RAB37: variants seen among roughly 807,000 people sequenced by gnomAD.
RAB37 encodes the protein ras-related protein Rab-37.
Under a neutral mutation model 33.1 loss-of-function variants are expected in RAB37, and 29 were observed. The ratio of observed to expected loss-of-function variants is 0.88; its 90% CI spans 0.65 to 1.20. The LOEUF (loss-of-function observed/expected upper bound fraction) is 1.20. RAB37 is among the 50% of genes most tolerant of loss of function. The pLI, the probability that RAB37 is intolerant of heterozygous loss-of-function variation, is 0.00. For synonymous variants in RAB37, 128 were observed against 119.5 expected (o/e 1.07, Z -0.47); for missense variants, 299 against 301.1 (o/e 0.99, Z 0.05).
At chr17:74,687,595 A>G (rs958531300) in intron 1 of RAB37, among the ~76,000 whole-genome samples, 2 of 152,158 alleles carry the variant, frequency 1.3e-5, no homozygotes, top group African/African-American at 4.8e-5. Flanking sequence ...GTCACAGTGG[A>G]CTACTTTGGG....
chr17:74,719,513 T>C (rs978938153), intron 1 of RAB37, among the ~76,000 whole-genome samples: 1 of 152,012 alleles, frequency 6.6e-6, no homozygotes, highest in African/African-American at 2.4e-5. Flanking sequence ...TTTCTTTTCC[T>C]TTTTTTTCTT....
In RAB37 at chr17:74,689,018, T is replaced by C. The variant is rs1013059032; in HGVS notation, c.72+17360T>C. ...CAAAATAAAACATGTAGAGGAAAAA[T>C]AGCCTTGGCGCAGTGGCTCAAACCC... On this transcript the variant is annotated intron_variant, in intron 1 of 7. Transcript: ENST00000340415. 3.9e-5 allele frequency among the ~76,000 whole-genome samples: 6 copies of C among 152,276 alleles called. No individual in the cohort carries two copies. The South Asian group carries it at 1.2e-3, about 32-fold the overall frequency.
At chr17:74,718,647 A>G (rs1340117453) in intron 1 of RAB37, among the ~76,000 whole-genome samples, 1 of 152,222 alleles carries the variant, frequency 6.6e-6, no homozygotes, top group Non-Finnish European at 1.5e-5. Flanking sequence ...CAGATTCCCC[A>G]GTGCAATGCA....
chr17:74,726,289 C>A (rs1191552125), intron 1 of RAB37, among the ~76,000 whole-genome samples: 1 of 151,664 alleles, frequency 6.6e-6, no homozygotes, highest in Non-Finnish European at 1.5e-5. Flanking sequence ...CTGCCCCACC[C>A]CGAGCCAAGG....
At chr17:74,687,245 A>G (rs1306008954) in intron 1 of RAB37, among the ~76,000 whole-genome samples, 1 of 150,950 alleles carries the variant, frequency 6.6e-6, no homozygotes, top group Non-Finnish European at 1.5e-5. Flanking sequence ...TTTATTTGAG[A>G]TGGAGTCTTG....
intron 1 of RAB37, among the ~76,000 whole-genome samples, chr17:74,702,698 C>T (rs528328896): frequency 9.9e-5 from 15 of 152,156 alleles, no homozygotes; most frequent in South Asian, 2.1e-4. Context: ...GCCAACTCAT[C>T]GGTCTCCCAC....
intron 1 of RAB37, among the ~76,000 whole-genome samples, chr17:74,674,479 A>G (rs1020375686): frequency 4.1e-5 from 6 of 147,366 alleles, no homozygotes; most frequent in Admixed American, 2.7e-4. Context: ...GGAGTTCAAG[A>G]CCAGCCTGGC....
intron 5 of RAB37, among the ~76,000 whole-genome samples, chr17:74,743,832 C>G (rs1304994865): frequency 1.3e-5 from 2 of 152,174 alleles, no homozygotes; most frequent in Non-Finnish European, 2.9e-5. Context: ...AATCCCCTGA[C>G]CTCAAGGACA....
chr17:74,712,759 CCT>C (rs768088655), intron 1 of RAB37: 4 of 1,576,668 alleles, frequency 2.5e-6, no homozygotes, highest in South Asian at 1.1e-5. Flanking sequence ...TCCCTTCTTC[CCT>C]CTCTCAGCCA....
At chr17:74,732,023 C>CA (rs143322617) in intron 2 of RAB37, among the ~76,000 whole-genome samples, 1,899 of 139,660 alleles carry the variant, frequency 0.014, 14 homozygotes, top group Non-Finnish European at 0.02. Context: ...ACAACAACAA[C>CA]AAAAAAAAAA....
chr17:74,672,556 C>A (rs1297394378), intron 1 of RAB37, among the ~76,000 whole-genome samples: 1 of 152,194 alleles, frequency 6.6e-6, no homozygotes, highest in Non-Finnish European at 1.5e-5. Context: ...AACCCAACCT[C>A]CTCCTCTATC....
intron 1 of RAB37, among the ~76,000 whole-genome samples, chr17:74,718,418 A>AG (rs1484630152): frequency 1.3e-5 from 2 of 152,082 alleles, no homozygotes; most frequent in Admixed American, 6.6e-5. Flanking sequence ...AGTGGGTTAG[A>AG]GAAAAAAAAA....
chr17:74,745,046 T>C lies in RAB37; in HGVS notation c.528T>C (p.Thr176=). The change falls in exon 8 of 9, where the codon ACT becomes ACC. Residue 176 remains threonine (T), a synonymous_variant. Transcript: ENST00000392613. The surrounding 1 kb of genome is among the most constrained non-coding windows in gnomAD (Gnocchi z 4.5). The part of the protein sequence containing the change: ...GVPFLETSAK[T]GMNVELAFLA... The stretch of plus-strand genomic sequence containing the variant: ...CCTTCCTGGAGACCAGCGCCAAGAC[T>C]GGCATGAATGTGGAGTTAGCCTTTC... 1 of 1,614,216 alleles carries C rather than the reference T, an allele frequency of 6.2e-7. No homozygotes were observed. Among genetic ancestry groups the C allele is most frequent in the Non-Finnish European group, 8.5e-7 (1 of 1,180,040 alleles).
intron 1 of RAB37, among the ~76,000 whole-genome samples, chr17:74,684,858 TAG>T (rs2032022982): frequency 1.4e-5 from 1 of 70,882 alleles, no homozygotes; most frequent in South Asian, 3.9e-4. Context: ...ATGTGTGAGA[TAG>T]ATAGATAGAT....
chr17:74,735,939 C>T (rs936342061), upstream of RAB37, among the ~76,000 whole-genome samples: 1 of 152,242 alleles, frequency 6.6e-6, no homozygotes, highest in African/African-American at 2.4e-5. Context: ...GGCGCAGTGG[C>T]TCACGCCTGT....
chr17:74,719,641 C>A (rs1364214154), intron 1 of RAB37, among the ~76,000 whole-genome samples: 2 of 151,956 alleles, frequency 1.3e-5, no homozygotes, highest in South Asian at 2.1e-4. Context: ...CCTCAGCCTC[C>A]CCAATAGCTG....
intron 1 of RAB37, chr17:74,712,865 A>G (rs375445233): frequency 7.4e-6 from 12 of 1,613,940 alleles, no homozygotes; most frequent in Non-Finnish European, 1.0e-5. Context: ...CAGCAGGGGC[A>G]TCTTCTCTTC....
chr17:74,732,928 T>C (rs2034411427), upstream of RAB37, among the ~76,000 whole-genome samples: 1 of 149,742 alleles, frequency 6.7e-6, no homozygotes, highest in Non-Finnish European at 1.5e-5. Context: ...TGCATGACAA[T>C]GACAGTGTGA....
chr17:74,726,764 G>A (rs2144023247), intron 1 of RAB37, among the ~76,000 whole-genome samples: 1 of 152,320 alleles, frequency 6.6e-6, no homozygotes, highest in East Asian at 1.9e-4. Flanking sequence ...AACAGTGGCT[G>A]GGCCCGACCC....
Sources: allele counts gnomAD v4.1 joint callset (sites outside exome capture counted in the v4.1 genomes callset), GRCh38; gene constraint gnomAD v4.1.1; non-coding constraint Gnocchi (gnomAD v3.1); transcripts MANE v1.5; gene names NCBI Gene and HGNC (gene_info 2026-07-23, HGNC 2026-07-21).